DST: variants seen among roughly 807,000 people sequenced by gnomAD.
DST encodes bullous pemphigoid antigen.
DST carries 253 observed loss-of-function variants against 875.2 expected under a neutral mutation model. The ratio of observed to expected loss-of-function variants is 0.29; its 90% CI spans 0.26 to 0.32. The LOEUF (loss-of-function observed/expected upper bound fraction) is 0.32. DST is among the 10% of genes least tolerant of loss of function. The pLI, the probability that DST is intolerant of heterozygous loss-of-function variation, is 1.00. For synonymous variants in DST, 3,124 were observed against 3,197.1 expected (o/e 0.98, Z 0.77); for missense variants, 8,287 against 9,111.6 (o/e 0.91, Z 3.68).
chr6:56,828,969 G>A (rs1263981930), intron 4 of DST, among the ~76,000 whole-genome samples: 1 of 152,160 alleles, frequency 6.6e-6, no homozygotes, highest in African/African-American at 2.4e-5. Flanking sequence ...CAAAGCTGAA[G>A]ACCACAGTCC....
intron 5 of DST, among the ~76,000 whole-genome samples, chr6:56,718,463 G>A (rs1020205945): frequency 4.6e-5 from 7 of 152,216 alleles, no homozygotes; most frequent in Non-Finnish European, 2.9e-5. Context: ...TAGTGGAAAG[G>A]TGAAATGATG....
Position 56,832,160 on chromosome 6 carries a change from C to T in DST, c.625+19237G>A, listed in dbSNP as rs77314903. On this transcript the variant is annotated intron_variant, in intron 4 of 103. Transcript: ENST00000680361. ...TCAAAGAAAAAGTATAAAGACTACA[C>T]ATTATCTATAGTAGTTAAATTGTTA... 5.3e-3 allele frequency among the ~76,000 whole-genome samples: 810 copies of T among 152,272 alleles called. 6 individuals carry two copies. Among genetic ancestry groups the T allele is most frequent in the African/African-American group, 0.018 (764 of 41,546 alleles).
Position 56,601,428 on chromosome 6 carries a change from C to T in DST, c.11541+15G>A, listed in dbSNP as rs749728755. The T allele has an allele frequency of 1.3e-5, 20 of 1,536,952 alleles. No homozygotes were observed. In the African/African-American group the frequency reaches 1.8e-4, roughly 14 times the overall value. ...CTAAAAACAATGAATGCCAACTCCACGAAGAAAGGCAAACCTTCTGATCAT... is the reference window on the plus strand; with the variant it reads ...CTAAAAACAATGAATGCCAACTCCATGAAGAAAGGCAAACCTTCTGATCAT... On this transcript the variant is annotated intron_variant, in intron 44 of 103. Transcript: ENST00000680361.
chr6:56,793,516 C>A (rs533405552), intron 4 of DST, among the ~76,000 whole-genome samples: 3 of 152,142 alleles, frequency 2.0e-5, no homozygotes, highest in Admixed American at 2.0e-4. Context: ...CTTAAACTAC[C>A]CACAGAGAAT....
intron 9 of DST, among the ~76,000 whole-genome samples, chr6:56,685,487 A>G (rs2099178952): frequency 1.3e-5 from 2 of 152,202 alleles, no homozygotes; most frequent in East Asian, 3.9e-4. Flanking sequence ...TCATTATTAA[A>G]AAGTCAAGGC....
rs748882705 is a variant in DST, at chr6:56,602,898, C to T, written c.11291G>A (p.Arg3764His). Residue 3764 changes from arginine to histidine, a missense_variant, in exon 43 of 104, where the codon CGT becomes CAT. By Grantham distance (29) the Arg-to-His change is conservative. Transcript: ENST00000680361. Reference sequence around the variant, plus strand: ...GATACTTGCCTTGAGAAACTCCAAACGTTTCTTTACATACTCAGAATCTTG... The same window carrying T: ...GATACTTGCCTTGAGAAACTCCAAATGTTTCTTTACATACTCAGAATCTTG... ...NVQDSEYVKK[R>H]LEFLKNVLKD... is the part of the protein sequence containing the mutation. 2.9e-5 allele frequency: 45 copies of T among 1,540,238 alleles called. No homozygotes were observed. Among genetic ancestry groups the T allele is most frequent in the Admixed American group, 4.7e-5 (2 of 42,140 alleles).
In DST at chr6:56,509,841, G is replaced by A; in HGVS notation, c.18813C>T (p.Ser6271=). 1 of 1,613,240 alleles carries A rather than the reference G, an allele frequency of 6.2e-7. No homozygotes were observed. Among genetic ancestry groups the A allele is most frequent in the South Asian group, 1.1e-5 (1 of 90,924 alleles). Residue 6271 remains serine, a synonymous_variant, in exon 74 of 104, where the codon AGC becomes AGT. Transcript: ENST00000680361. The stretch of plus-strand genomic sequence containing the variant: ...TCAGACGTTCCACGATGCGTTCCAG[G>A]CTCTCAAGGATCTGATCTATCTTGT... ...FHDKIDQILE[S]LERIVERLRQ... is the part of the protein sequence containing the mutation.
chr6:56,511,122 G>T, intron 73 of DST, 75 bp downstream of exon 73: 2 of 1,277,740 alleles, frequency 1.6e-6, no homozygotes, highest in Non-Finnish European at 1.1e-6. Context: ...AATTTAATCA[G>T]GAAATCCAGG....
chr6:56,704,348 G>C lies in DST; in HGVS notation c.709C>G (p.Leu237Val). 1 of 1,570,246 alleles carries C rather than the reference G, an allele frequency of 6.4e-7. No homozygotes were observed. The highest frequency in any genetic ancestry group is 8.6e-7 in the Non-Finnish European group (1 of 1,156,140). Residue 237 changes from leucine to valine, a missense_variant, in exon 6 of 104, where the codon CTC becomes GTC. Around this residue, in one of 10 missense-constraint regions of DST, gnomAD observed 1,160 missense variants for 1,424.3 expected, o/e 0.81. Coordinates refer to ENST00000680361, the MANE Select transcript of DST (RefSeq NM_001374736.1). ...TGTCCATCCCTTAAGTCTTCATAGA[G>C]ATCATTCACATGTTTTCGAACCTAT... Reference protein sequence around the residue: ...LMKVRKHVNDLYEDLRDGHNL... With the variant: ...LMKVRKHVNDVYEDLRDGHNL...
rs754162540 is a variant in DST at position 56,526,341 on chromosome 6, A to T, written c.18129+20T>A. ...GCTGGAGAAAATTTATTGCCTAAAC[A>T]ACAAACCATTTTTCCCTACCTGCTG... On this transcript the variant is annotated intron_variant, in intron 69 of 103. Transcript: ENST00000680361. 3.1e-6 allele frequency: 5 copies of T among 1,612,578 alleles called. No individual in the cohort carries two copies. Among genetic ancestry groups the T allele is most frequent in the Non-Finnish European group, 4.2e-6 (5 of 1,179,240 alleles).
At chr6:56,664,155 G>A (rs1465443505) in intron 10 of DST, among the ~76,000 whole-genome samples, 1 of 152,092 alleles carries the variant, frequency 6.6e-6, no homozygotes, top group Non-Finnish European at 1.5e-5. Flanking sequence ...AAGCCCTCCT[G>A]CACATTCTGC....
intron 4 of DST, among the ~76,000 whole-genome samples, chr6:56,737,316 A>C (rs1336970800): frequency 1.3e-5 from 2 of 152,242 alleles, no homozygotes; most frequent in Non-Finnish European, 2.9e-5. Context: ...CCAAGATTTT[A>C]TTTTTTAAAA....
chr6:56,513,417 AT>A (rs1315941119), intron 72 of DST, among the ~76,000 whole-genome samples: 3 of 152,000 alleles, frequency 2.0e-5, no homozygotes, highest in African/African-American at 7.2e-5. Context: ...TTTAGTAGAG[AT>A]GGGGTTTCTC....
chr6:56,491,982 T>G (rs1370719116), intron 85 of DST, among the ~76,000 whole-genome samples: 2 of 152,228 alleles, frequency 1.3e-5, no homozygotes, highest in Non-Finnish European at 2.9e-5. Context: ...AGCCTGTCTA[T>G]GAAGTCAAGC....
chr6:56,706,267 T>TTG (rs1490430434), intron 5 of DST, among the ~76,000 whole-genome samples: 1 of 148,604 alleles, frequency 6.7e-6, no homozygotes, highest in Non-Finnish European at 1.5e-5. Flanking sequence ...TGGGCCGAGA[T>TTG]CAAGCCATTG....
At chr6:56,716,910 G>A (rs530445972) in intron 5 of DST, among the ~76,000 whole-genome samples, 36 of 152,134 alleles carry the variant, frequency 2.4e-4, no homozygotes, top group Non-Finnish European at 2.6e-4. Flanking sequence ...GACCGGGTGC[G>A]GTGGCTCACG....
At chr6:56,948,684 A>C (rs1265167489) in intron 2 of DST, among the ~76,000 whole-genome samples, 2 of 152,224 alleles carry the variant, frequency 1.3e-5, no homozygotes, top group Non-Finnish European at 2.9e-5. Flanking sequence ...TTCAGCATAA[A>C]TATCACTCCT....
intron 61 of DST, among the ~76,000 whole-genome samples, chr6:56,549,741 G>A (rs906621135): frequency 6.6e-6 from 1 of 152,128 alleles, no homozygotes; most frequent in Non-Finnish European, 1.5e-5. Context: ...CCTTAAGTGG[G>A]TGTTCTTGGT....
At chr6:56,675,761 G>T (rs1015881979) in intron 9 of DST, among the ~76,000 whole-genome samples, 2 of 151,882 alleles carry the variant, frequency 1.3e-5, no homozygotes, top group Non-Finnish European at 2.9e-5. Context: ...CTGAGGTAGG[G>T]GAACCACTTG....
Sources: allele counts gnomAD v4.1 joint callset (sites outside exome capture counted in the v4.1 genomes callset), GRCh38; gene constraint gnomAD v4.1.1; regional missense constraint gnomAD v4.1.1; transcripts MANE v1.5; gene names NCBI Gene and HGNC (gene_info 2026-07-23, HGNC 2026-07-21).